The following ERCC6L2 variants were observed in gnomAD, a reference collection of about 807,000 sequenced individuals.
The protein encoded by ERCC6L2 is ERCC excision repair 6 like 2, also known as DNA excision repair protein ERCC-6-like 2.
A neutral mutation model predicts 132.0 loss-of-function variants in ERCC6L2; 77 were observed. The observed-to-expected ratio is 0.58, with a 90% CI of 0.49 to 0.71. The LOEUF (loss-of-function observed/expected upper bound fraction) is 0.71, where lower values mean the gene tolerates loss of function less well. ERCC6L2 is among the 30% of genes least tolerant of loss of function. The probability of loss-of-function intolerance (pLI) is 0.00; values close to 1 mark genes in which losing one functional copy is unlikely to be tolerated. For synonymous variants in ERCC6L2, 583 were observed against 632.4 expected (o/e 0.92, Z 1.17); for missense variants, 1,542 against 1,837.6 (o/e 0.84, Z 2.94).
In ERCC6L2 at chr9:95,972,142, AT is replaced by A; in HGVS notation, c.2393del (p.Leu798CysfsTer54). ...CCTTACTCCAGTGTGGTTTCTCGAAATTGCTTGAAACAAAATGTAAAGCAGT... is the reference window on the plus strand; with the variant it reads ...CCTTACTCCAGTGTGGTTTCTCGAAATGCTTGAAACAAAATGTAAAGCAGT... ...LTLLQCGFSK[L>X]LETKCKAVED... is the part of the protein sequence containing the mutation. On this transcript the variant is annotated frameshift_variant, in exon 16 of 19. Coordinates refer to ENST00000653738, the MANE Select transcript of ERCC6L2 (RefSeq NM_020207.7). LOFTEE classifies it high-confidence loss of function. The A allele has an allele frequency of 7.7e-7, 1 of 1,304,236 alleles. No individual in the cohort carries two copies. The highest frequency in any genetic ancestry group is 1.0e-6 in the Non-Finnish European group (1 of 988,938). The allele number at this position is 1,304,236 out of a possible 1,614,324, so 80.8% of individuals were successfully genotyped here. A position where few individuals can be genotyped will look rare whatever the true frequency, so the allele number is the denominator to read the frequency against.
At chr9:95,921,816 A>C (rs1036532583) in intron 7 of ERCC6L2, among the ~76,000 whole-genome samples, 1 of 152,166 alleles carries the variant, frequency 6.6e-6, no homozygotes, top group Non-Finnish European at 1.5e-5. Flanking sequence ...CTGTTTTATT[A>C]AATTATGTCA....
At chr9:95,976,528 T>G (rs1832679738) in intron 16 of ERCC6L2, among the ~76,000 whole-genome samples, 1 of 152,220 alleles carries the variant, frequency 6.6e-6, no homozygotes, top group Non-Finnish European at 1.5e-5. Flanking sequence ...TTCTTAGGTC[T>G]GTCAGGTACC....
At position 95,877,503 on chromosome 9, in the gene ERCC6L2, A is replaced by G. The variant is rs116900523; in HGVS notation, c.46+1419A>G. ...GTGTACTTTTTAGTTTTCTCGCAAG[A>G]TATCAAGGATTTGTGAGATTGATAA... On this transcript the variant is annotated intron_variant, in intron 1 of 18. Coordinates refer to ENST00000653738, the MANE Select transcript of ERCC6L2 (RefSeq NM_020207.7). Among the ~76,000 whole-genome samples the G allele has an allele frequency of 3.2e-4, 49 of 152,252 alleles. No homozygotes were observed. The East Asian group carries it at 8.3e-3, about 26-fold the overall frequency.
chr9:95,916,368 G>C lies in ERCC6L2; in HGVS notation c.1092G>C (p.Met364Ile). The C allele has an allele frequency of 6.2e-7, 1 of 1,609,652 alleles. No individual in the cohort carries two copies. The highest frequency in any genetic ancestry group is 8.5e-7 in the Non-Finnish European group (1 of 1,178,874). ...RKAMQRLAKK[M>I]SGWFLRRTKT... ...CCATGCAAAGACTTGCCAAAAAGAT[G>C]TCTGGCTGGTTTCTCAGGCGCACCA... is the stretch of plus-strand genomic sequence containing the variant. Residue 364 changes from methionine to isoleucine, a missense_variant, in exon 6 of 19, where the codon ATG becomes ATC. By Grantham distance (10) the Met-to-Ile change is conservative. Coordinates refer to ENST00000653738, the MANE Select transcript of ERCC6L2 (RefSeq NM_020207.7).
At chr9:95,996,524 G>A (rs1273515666) in intron 17 of ERCC6L2, among the ~76,000 whole-genome samples, 1 of 152,242 alleles carries the variant, frequency 6.6e-6, no homozygotes, top group East Asian at 1.9e-4. Flanking sequence ...CATAGCTAGA[G>A]GGGAGAAGTC....
In ERCC6L2 at chr9:95,956,119, G is replaced by A. The variant is rs74628589; in HGVS notation, c.1947+106G>A. The A allele has an allele frequency of 5.7e-3, 2,887 of 509,078 alleles. 64 individuals are homozygous for A. Among genetic ancestry groups the A allele is most frequent in the African/African-American group, 0.049 (2,478 of 50,342 alleles). 31.5% of individuals were successfully genotyped at this position (509,078 alleles called of 1,614,324 possible). On this transcript the variant is annotated intron_variant, in intron 13 of 18. Coordinates refer to ENST00000653738, the MANE Select transcript of ERCC6L2 (RefSeq NM_020207.7). Reference sequence around the variant, plus strand: ...TAAGTTTTAAATCTTACTGTATTGCGGAATTTAATAAGATTATAAAAATTA... The same window carrying A: ...TAAGTTTTAAATCTTACTGTATTGCAGAATTTAATAAGATTATAAAAATTA...
In ERCC6L2 at chr9:96,039,533, AG is replaced by A. The variant is rs1564315424; in HGVS notation, c.*1755+409del. On this transcript the variant is annotated intron_variant and NMD_transcript_variant, in intron 20 of 20. Transcript: ENST00000670016. ...TGACCCCTGGACAGTGAAGCCAGCC[AG>A]GGTAGCCAGGGTGGCAGTGGGACTT... Among the ~76,000 whole-genome samples, 9 of 152,288 alleles carry A rather than the reference AG, an allele frequency of 5.9e-5. No homozygotes were observed. In the South Asian group the frequency reaches 1.9e-3, roughly 32 times the overall value.
intron 19 of ERCC6L2, among the ~76,000 whole-genome samples, chr9:96,034,416 C>T (rs572130932): frequency 1.3e-5 from 2 of 152,358 alleles, no homozygotes; most frequent in East Asian, 1.9e-4. Flanking sequence ...CTAAAGCTTC[C>T]TTCTCAATGC....
chr9:95,882,744 A>G (rs969360553), intron 2 of ERCC6L2, among the ~76,000 whole-genome samples: 2 of 152,236 alleles, frequency 1.3e-5, no homozygotes, highest in African/African-American at 4.8e-5. Flanking sequence ...AAGTCTTTTA[A>G]TAATCATATT....
chr9:95,888,660 T>G (rs988966426), intron 2 of ERCC6L2, among the ~76,000 whole-genome samples: 12 of 152,194 alleles, frequency 7.9e-5, no homozygotes, highest in South Asian at 2.1e-4. Flanking sequence ...TTCCTTTGCC[T>G]TCTTAGAGTT....
At chr9:96,023,513 T>C (rs1659193031) in intron 19 of ERCC6L2, among the ~76,000 whole-genome samples, 1 of 152,208 alleles carries the variant, frequency 6.6e-6, no homozygotes, top group African/African-American at 2.4e-5. Context: ...GGTCAGTCTT[T>C]CTGGCCACAC....
chr9:95,940,345 A>G (rs1373989454), intron 11 of ERCC6L2, among the ~76,000 whole-genome samples: 1 of 152,002 alleles, frequency 6.6e-6, no homozygotes, highest in Non-Finnish European at 1.5e-5. Context: ...CTTGGGATAT[A>G]TATATATATT....
chr9:95,890,201 G>A lies in ERCC6L2; in HGVS notation c.472-7648G>A, dbSNP rs1828085922. Among the ~76,000 whole-genome samples, 3 of 152,016 alleles carry A rather than the reference G, an allele frequency of 2.0e-5. No homozygotes were observed. In the South Asian group the frequency reaches 6.2e-4, roughly 31 times the overall value. On this transcript the variant is annotated intron_variant, in intron 2 of 18. Coordinates refer to ENST00000653738, the MANE Select transcript of ERCC6L2 (RefSeq NM_020207.7). Reference sequence around the variant, plus strand: ...TCACCTAGACTATTCCAGCATCTTGGTATTGAGTAGGTAATAAATATATTT... The same window carrying A: ...TCACCTAGACTATTCCAGCATCTTGATATTGAGTAGGTAATAAATATATTT...
Position 96,012,570 on chromosome 9 carries a change from G to A in ERCC6L2, c.4020G>A (p.Gln1340=). The change falls in exon 19 of 19, where the codon CAG becomes CAA. Residue 1340 remains glutamine, a synonymous_variant. Transcript: ENST00000653738. ...ATAAAAGAAAATCAGTTAAGTTTCA[G>A]AATCATATTTCCTATAGAGAAGAGG... ...KTYKRKSVKF[Q]NHISYREEVF... The A allele has an allele frequency of 7.3e-7, 1 of 1,367,418 alleles. No homozygotes were observed. The allele number at this position is 1,367,418 out of a possible 1,614,324, so 84.7% of individuals were successfully genotyped here.
At chr9:95,995,110 A>G (rs1316913796) in intron 17 of ERCC6L2, among the ~76,000 whole-genome samples, 1 of 152,154 alleles carries the variant, frequency 6.6e-6, no homozygotes, top group Non-Finnish European at 1.5e-5. Context: ...GGTAGGGGGG[A>G]ATCTTCCTTG....
At chr9:95,877,711 G>GC (rs1225316045) in intron 1 of ERCC6L2, among the ~76,000 whole-genome samples, 2 of 151,944 alleles carry the variant, frequency 1.3e-5, no homozygotes, top group African/African-American at 4.8e-5. Context: ...GGAGGCTGAG[G>GC]CGGGAGGATG....
rs775611336 is a variant in ERCC6L2, at chr9:96,012,724, C to T, written c.4174C>T (p.Arg1392Cys). The change falls in exon 19 of 19, where the codon CGT becomes TGT. Residue 1392 changes from arginine (R) to cysteine (C), a missense_variant. Arg to Cys is a radical substitution (Grantham distance 180). Around this residue, in one of 4 missense-constraint regions of ERCC6L2, gnomAD observed 442 missense variants for 583.4 expected, o/e 0.76. Coordinates refer to ENST00000653738, the MANE Select transcript of ERCC6L2 (RefSeq NM_020207.7). Reference protein sequence around the residue: ...SRSLNSESETRERRLENTMKD... With the variant: ...SRSLNSESETCERRLENTMKD... ...TTCTCTGAACAGTGAGTCTGAAACA[C>T]GTGAGAGAAGGTTAGAAAATACCAT... The T allele has an allele frequency of 5.3e-5, 73 of 1,367,324 alleles. No homozygotes were observed. Among genetic ancestry groups the T allele is most frequent in the South Asian group, 9.1e-5 (8 of 88,024 alleles). 84.7% of individuals were successfully genotyped at this position (1,367,324 alleles called of 1,614,324 possible).
intron 13 of ERCC6L2, among the ~76,000 whole-genome samples, chr9:95,957,267 A>C (rs959160374): frequency 6.6e-6 from 1 of 152,208 alleles, no homozygotes; most frequent in Non-Finnish European, 1.5e-5. Flanking sequence ...ATTTAAGAGC[A>C]AACATCTGCC....
rs1834214628 is a variant in ERCC6L2, at chr9:96,017,874, A to G, written c.*4671A>G. Among the ~76,000 whole-genome samples, 1 of 149,996 alleles carries G rather than the reference A, an allele frequency of 6.7e-6. No individual in the cohort carries two copies. The highest frequency in any genetic ancestry group is 1.5e-5 in the Non-Finnish European group (1 of 67,330). On this transcript the variant is annotated 3_prime_UTR_variant, in exon 19 of 19. Coordinates refer to ENST00000653738, the MANE Select transcript of ERCC6L2 (RefSeq NM_020207.7). ...GCATTCCAAGTACCTATCGATGAAT[A>G]AGCAAAATATTACACACACAGGAAT...
Sources: gnomAD v4.1 joint callset for allele counts (sites outside exome capture counted in the v4.1 genomes callset) on GRCh38, gnomAD v4.1.1 for gene constraint, gnomAD v4.1.1 regional missense constraint, MANE v1.5 for transcripts, NCBI Gene and HGNC (gene_info 2026-07-23, HGNC 2026-07-21) for gene names.